Variants in GRID1 observed in about 807,000 individuals in gnomAD.
GRID1 encodes the protein glutamate receptor ionotropic, delta-1.
A neutral mutation model predicts 98.0 loss-of-function variants in GRID1; 28 were observed. That is an observed-to-expected ratio of 0.29 (90% CI 0.21 to 0.39). The LOEUF (loss-of-function observed/expected upper bound fraction) is 0.39. GRID1 is among the 10% of genes least tolerant of loss of function. The pLI, the probability that GRID1 is intolerant of heterozygous loss-of-function variation, is 1.00. For synonymous variants in GRID1, 553 were observed against 538.5 expected (o/e 1.03, Z -0.37); for missense variants, 1,111 against 1,340.5 (o/e 0.83, Z 2.67).
At chr10:86,202,145 C>T (rs953255760) in intron 3 of GRID1, among the ~76,000 whole-genome samples, 15 of 152,234 alleles carry the variant, frequency 9.9e-5, no homozygotes, top group African/African-American at 3.6e-4. Context: ...TGCGAGCTAG[C>T]CCAGAGACCA....
chr10:85,835,432 A>G (rs878923811), intron 8 of GRID1, among the ~76,000 whole-genome samples: 1 of 152,186 alleles, frequency 6.6e-6, no homozygotes. Flanking sequence ...TACTGTTCTC[A>G]TGGTAGTGAG....
intron 2 of GRID1, among the ~76,000 whole-genome samples, chr10:86,239,028 G>A (rs1475691358): frequency 6.6e-6 from 1 of 152,108 alleles, no homozygotes; most frequent in East Asian, 1.9e-4. Context: ...TCCACCAACA[G>A]CTTGCAACAT....
chr10:86,178,112 A>G (rs1845603210), intron 3 of GRID1, among the ~76,000 whole-genome samples: 1 of 152,172 alleles, frequency 6.6e-6, no homozygotes, highest in Non-Finnish European at 1.5e-5. Flanking sequence ...TCCACTCCAC[A>G]AAAACCAAAT....
intron 2 of GRID1, among the ~76,000 whole-genome samples, chr10:86,246,218 C>T (rs1846724086): frequency 6.6e-6 from 1 of 152,236 alleles, no homozygotes; most frequent in Admixed American, 6.5e-5. Context: ...GGATGCTCTC[C>T]CCTCAGCTGC....
At chr10:85,947,808 C>T (rs1842072055) in intron 4 of GRID1, among the ~76,000 whole-genome samples, 1 of 152,232 alleles carries the variant, frequency 6.6e-6, no homozygotes, top group Admixed American at 6.5e-5. Flanking sequence ...CCAATACACT[C>T]AATAGCCTCC....
chr10:86,256,492 A>G (rs193109065), intron 2 of GRID1, among the ~76,000 whole-genome samples: 13 of 152,230 alleles, frequency 8.5e-5, no homozygotes, highest in African/African-American at 3.1e-4. Flanking sequence ...AAATGTCGTC[A>G]TGTCCCCATG....
At chr10:85,743,014 C>T (rs1202511008) in intron 8 of GRID1, among the ~76,000 whole-genome samples, 2 of 151,530 alleles carry the variant, frequency 1.3e-5, no homozygotes, top group Non-Finnish European at 2.9e-5. Flanking sequence ...GCCAGTAGTG[C>T]CTCTCCCCCG....
chr10:86,031,504 A>G (rs1439736678), intron 4 of GRID1, among the ~76,000 whole-genome samples: 1 of 152,158 alleles, frequency 6.6e-6, no homozygotes. Flanking sequence ...CCAAACCTCA[A>G]CATGATGAAA....
chr10:86,014,765 T>C (rs149749420), intron 4 of GRID1, among the ~76,000 whole-genome samples: 3 of 152,344 alleles, frequency 2.0e-5, no homozygotes, highest in Non-Finnish European at 1.5e-5. Context: ...CTGGGCACTA[T>C]TCCCTCTGAC....
At chr10:86,328,889 AC>A (rs1341715463) in intron 2 of GRID1, among the ~76,000 whole-genome samples, 1 of 151,350 alleles carries the variant, frequency 6.6e-6, no homozygotes, top group African/African-American at 2.4e-5. Context: ...CCCCCGGGTC[AC>A]CCCACCCCCA....
chr10:85,622,583 G>T (rs1380428859), intron 13 of GRID1, among the ~76,000 whole-genome samples: 1 of 152,076 alleles, frequency 6.6e-6, no homozygotes, highest in African/African-American at 2.4e-5. Flanking sequence ...CATGTGGCTG[G>T]ATCCTGAATC....
At chr10:86,004,740 TCA>T (rs201671134) in intron 4 of GRID1, among the ~76,000 whole-genome samples, 3 of 94,326 alleles carry the variant, frequency 3.2e-5, no homozygotes, top group African/African-American at 6.8e-5. Flanking sequence ...ACACACACAC[TCA>T]CACACACACA....
At chr10:85,931,765 T>C (rs758787576) in intron 4 of GRID1, among the ~76,000 whole-genome samples, 9 of 152,340 alleles carry the variant, frequency 5.9e-5, no homozygotes, top group Non-Finnish European at 1.2e-4. Context: ...AAATGCATAA[T>C]GATCCTTAAT....
intron 2 of GRID1, among the ~76,000 whole-genome samples, chr10:86,267,740 G>A (rs1267768635): frequency 1.3e-5 from 2 of 152,172 alleles, no homozygotes; most frequent in Non-Finnish European, 2.9e-5. Flanking sequence ...TCCTGGCCCT[G>A]CCCAGCTCTC....
intron 5 of GRID1, among the ~76,000 whole-genome samples, chr10:85,879,004 A>G (rs1393907814): frequency 1.3e-5 from 2 of 151,516 alleles, no homozygotes; most frequent in Non-Finnish European, 3.0e-5. Flanking sequence ...TAAACCAACA[A>G]AGATCAAAAG....
intron 8 of GRID1, among the ~76,000 whole-genome samples, chr10:85,831,860 C>G (rs1842870228): frequency 6.6e-6 from 1 of 150,984 alleles, no homozygotes; most frequent in Non-Finnish European, 1.5e-5. Flanking sequence ...AAAATAAACA[C>G]AAAAATAAAT....
chr10:86,005,786 G>A (rs1048411473), intron 4 of GRID1, among the ~76,000 whole-genome samples: 1 of 152,206 alleles, frequency 6.6e-6, no homozygotes, highest in African/African-American at 2.4e-5. Flanking sequence ...AAGGGTAAGT[G>A]ACAAAGATTT....
intron 4 of GRID1, among the ~76,000 whole-genome samples, chr10:86,028,057 G>A (rs1812927515): frequency 1.3e-5 from 2 of 152,212 alleles, no homozygotes; most frequent in Non-Finnish European, 2.9e-5. Flanking sequence ...GCTCAAAGAT[G>A]TGAGGGGACT....
At chr10:85,665,733 T>A (rs373688191) in intron 12 of GRID1, among the ~76,000 whole-genome samples, 12 of 152,196 alleles carry the variant, frequency 7.9e-5, no homozygotes, top group African/African-American at 2.9e-4. Flanking sequence ...ACACCTTTTT[T>A]CTCTCCCTTC....
Sources: gnomAD v4.1 joint callset for allele counts (sites outside exome capture counted in the v4.1 genomes callset) on GRCh38, gnomAD v4.1.1 for gene constraint, MANE v1.5 for transcripts, NCBI Gene and HGNC (gene_info 2026-07-23, HGNC 2026-07-21) for gene names.